Variants in DLG2 observed in about 807,000 individuals in gnomAD.
The protein encoded by DLG2 is disks large homolog 2.
A neutral mutation model predicts 132.5 loss-of-function variants in DLG2; 45 were observed. The ratio of observed to expected loss-of-function variants is 0.34; its 90% confidence interval spans 0.27 to 0.44. DLG2 has a LOEUF of 0.44. DLG2 is among the 20% of genes least tolerant of loss of function. The probability of loss-of-function intolerance (pLI) is 1.00; values close to 1 mark genes in which losing one functional copy is unlikely to be tolerated. For missense variants in DLG2, 1,045 were observed against 1,196.9 expected, an observed-to-expected ratio of 0.87 and a Z score of 1.87; for synonymous variants, 424 against 419.6, an observed-to-expected ratio of 1.01 and a Z score of -0.13.
intron 7 of DLG2, among the ~76,000 whole-genome samples, chr11:84,465,443 C>T (rs1299998181): frequency 6.6e-6 from 1 of 151,190 alleles, no homozygotes; most frequent in Non-Finnish European, 1.5e-5. Context: ...TAGAGATTCT[C>T]ATGTTACGTG....
intron 16 of DLG2, among the ~76,000 whole-genome samples, chr11:83,843,302 C>T (rs1034211203): frequency 9.2e-5 from 14 of 152,206 alleles, no homozygotes; most frequent in African/African-American, 3.4e-4. Flanking sequence ...CTATTCTCAT[C>T]TATCTAACGA....
intron 15 of DLG2, among the ~76,000 whole-genome samples, chr11:83,907,776 T>C (rs1022381749): frequency 1.4e-4 from 22 of 152,106 alleles, no homozygotes; most frequent in African/African-American, 5.3e-4. Flanking sequence ...CAAGCCTGAG[T>C]TCCTTCCTGC....
chr11:84,312,647 C>T (rs1448067362), intron 7 of DLG2, among the ~76,000 whole-genome samples: 5 of 152,076 alleles, frequency 3.3e-5, no homozygotes, highest in East Asian at 3.9e-4. Context: ...AATTTTGCTT[C>T]GCTTCTAAGT....
intron 3 of DLG2, among the ~76,000 whole-genome samples, chr11:85,526,027 A>G (rs1204719193): frequency 3.3e-5 from 5 of 152,206 alleles, no homozygotes; most frequent in Admixed American, 3.3e-4. Flanking sequence ...AGATCTAGGA[A>G]TATTTCCTCT....
At chr11:85,162,870 T>A (rs952751596) in intron 4 of DLG2, among the ~76,000 whole-genome samples, 1 of 152,184 alleles carries the variant, frequency 6.6e-6, no homozygotes, top group African/African-American at 2.4e-5. Flanking sequence ...GAATTCAAAG[T>A]ATTGATCCTG....
intron 21 of DLG2, among the ~76,000 whole-genome samples, chr11:83,488,381 C>T (rs1474377667): frequency 1.3e-5 from 2 of 151,922 alleles, no homozygotes; most frequent in Non-Finnish European, 2.9e-5. Context: ...GGTCAAATGG[C>T]ATGAAATTGC....
chr11:84,806,157 A>G (rs1217379449), intron 6 of DLG2, among the ~76,000 whole-genome samples: 1 of 152,196 alleles, frequency 6.6e-6, no homozygotes, highest in Non-Finnish European at 1.5e-5. Context: ...GACCTAAAAA[A>G]TCACAAGAGC....
intron 3 of DLG2, among the ~76,000 whole-genome samples, chr11:85,485,387 G>C (rs1278406999): frequency 6.6e-6 from 1 of 150,494 alleles, no homozygotes; most frequent in African/African-American, 2.4e-5. Context: ...AAAAAAAAAA[G>C]ATGCAAATTG....
chr11:83,965,419 A>G lies in DLG2; in HGVS notation c.1106T>C (p.Ile369Thr). ...EEVTHEEAVA[I>T]LKNTSEVVYL... ...AACTACCTCTGATGTGTTCTTTAAT[A>G]TTGCTACTGCCTCTTCGTGTGTTAC... Residue 369 changes from isoleucine (I) to threonine (T), a missense_variant, in exon 13 of 28, where the codon ATA becomes ACA. This residue lies in a region of DLG2 where 261 missense variants were observed against 256.1 expected (regional missense o/e 1.02). Transcript: ENST00000376104. 1 of 1,611,692 alleles carries G rather than the reference A, an allele frequency of 6.2e-7. No homozygotes were observed.
At chr11:85,016,398 AT>A (rs1365899303) in intron 6 of DLG2, among the ~76,000 whole-genome samples, 1 of 151,846 alleles carries the variant, frequency 6.6e-6, no homozygotes. Flanking sequence ...TAATCTTTTC[AT>A]TTTTTCCTCA....
chr11:83,835,790 T>A (rs2055983144), intron 16 of DLG2, among the ~76,000 whole-genome samples: 1 of 152,188 alleles, frequency 6.6e-6, no homozygotes, highest in South Asian at 2.1e-4. Flanking sequence ...ATTGCAAATT[T>A]CTGTGGAAAA....
Position 85,429,390 on chromosome 11 carries a change from C to T in DLG2, c.41-144025G>A, listed in dbSNP as rs566733643. On this transcript the variant is annotated intron_variant, in intron 3 of 27. Coordinates refer to ENST00000376104, the MANE Select transcript of DLG2 (RefSeq NM_001142699.3). ...CTAATTAAACTAAAGAGCTTCTGCA[C>T]GGCAAAAGAAAATACCATCAGAGTG... Among the ~76,000 whole-genome samples the T allele has an allele frequency of 2.6e-4, 40 of 152,140 alleles. No individual in the cohort carries two copies. In the East Asian group the frequency reaches 3.5e-3, roughly 13 times the overall value.
At chr11:84,478,529 T>C (rs1328532354) in intron 7 of DLG2, among the ~76,000 whole-genome samples, 1 of 152,094 alleles carries the variant, frequency 6.6e-6, no homozygotes, top group African/African-American at 2.4e-5. Flanking sequence ...CTAGTGTAAA[T>C]AATACTACAT....
At chr11:84,415,503 T>G (rs1459102512) in intron 7 of DLG2, among the ~76,000 whole-genome samples, 3 of 152,196 alleles carry the variant, frequency 2.0e-5, no homozygotes, top group Non-Finnish European at 4.4e-5. Context: ...TAAAGCATTT[T>G]TCTGAAGATT....
rs2081799335 is a variant in DLG2, at chr11:85,205,266, G to A, written c.187-50615C>T. Among the ~76,000 whole-genome samples the A allele has an allele frequency of 2.0e-5, 3 of 151,380 alleles. No homozygotes were observed. The South Asian group carries it at 6.3e-4, about 32-fold the overall frequency. ...ATAGAAATGGAGGTCAGTGTGCTAA[G>A]TGAAATAAACCAGGTACAAAAAGAC... On this transcript the variant is annotated intron_variant, in intron 4 of 27. Transcript: ENST00000376104.
chr11:84,761,978 T>C (rs2067690972), intron 6 of DLG2: 1 of 152,170 alleles, frequency 6.6e-6, no homozygotes, highest in African/African-American at 2.4e-5. Context: ...TGAGGGCCCA[T>C]CCTATTCTTG....
chr11:83,719,151 G>T (rs1177104861), intron 18 of DLG2, among the ~76,000 whole-genome samples: 3 of 152,122 alleles, frequency 2.0e-5, no homozygotes, highest in Admixed American at 2.0e-4. Flanking sequence ...ACTCTTATTT[G>T]GTGTCTTTCT....
chr11:84,417,836 C>T (rs142484863), intron 7 of DLG2, among the ~76,000 whole-genome samples: 1 of 152,134 alleles, frequency 6.6e-6, no homozygotes, highest in African/African-American at 2.4e-5. Flanking sequence ...ATTCAGGAAG[C>T]CTTTCTGGAT....
chr11:83,630,044 G>A (rs17145843), intron 19 of DLG2, among the ~76,000 whole-genome samples: 3,321 of 152,164 alleles, frequency 0.022, 134 homozygotes, highest in African/African-American at 0.075. Flanking sequence ...GCAATAATCA[G>A]TTCCACTTGC....
Sources: gnomAD v4.1 joint callset for allele counts (sites outside exome capture counted in the v4.1 genomes callset) on GRCh38, gnomAD v4.1.1 for gene constraint, gnomAD v4.1.1 regional missense constraint, MANE v1.5 for transcripts, NCBI Gene and HGNC (gene_info 2026-07-23, HGNC 2026-07-21) for gene names.